The following BMP2K variants were observed in gnomAD, a reference collection of about 807,000 sequenced individuals.
The protein encoded by BMP2K is BMP-2-inducible protein kinase.
Under a neutral mutation model 116.0 loss-of-function variants are expected in BMP2K, and 74 were observed. That is an observed-to-expected ratio of 0.64 (90% CI 0.53 to 0.77). BMP2K has a LOEUF of 0.77. Ranked by LOEUF, BMP2K falls within the 30% of genes least tolerant of loss-of-function variation. BMP2K has a pLI of 0.00. For synonymous variants in BMP2K, 486 were observed against 502.5 expected (o/e 0.97, Z 0.44); for missense variants, 1,365 against 1,403.6 (o/e 0.97, Z 0.44).
intron 2 of BMP2K, among the ~76,000 whole-genome samples, chr4:78,830,343 C>G (rs943898833): frequency 1.3e-5 from 2 of 152,126 alleles, no homozygotes; most frequent in African/African-American, 2.4e-5. Flanking sequence ...TAATGTCATT[C>G]AGGCTTTGTT....
chr4:78,867,684 G>A (rs771783121), intron 10 of BMP2K, among the ~76,000 whole-genome samples: 93 of 152,194 alleles, frequency 6.1e-4, no homozygotes, highest in Non-Finnish European at 9.0e-4. Flanking sequence ...GTTAACCAGC[G>A]CTGTTTAATG....
rs769349891 is a variant in BMP2K, at chr4:78,870,835, TCAGCAGCCGCCA to T, written c.1292_1303del (p.Pro431_Gln434del). The T allele has an allele frequency of 6.8e-6, 11 of 1,614,052 alleles. No homozygotes were observed. The highest frequency in any genetic ancestry group is 5.0e-5 in the Admixed American group (3 of 60,006). Reference sequence around the variant, plus strand: ...AAATTTTATTGGGTCAGGGACCTCCTCAGCAGCCGCCACAGCAGCATAGAGTACTCCAGCAAC... The same window carrying T: ...AAATTTTATTGGGTCAGGGACCTCCTCAGCAGCATAGAGTACTCCAGCAAC... On this transcript the variant is annotated inframe_deletion, in exon 11 of 16. Transcript: ENST00000502613.
chr4:78,911,895 T>A lies in BMP2K; in HGVS notation c.3348T>A (p.Asp1116Glu). 1 of 1,613,960 alleles carries A rather than the reference T, an allele frequency of 6.2e-7. No individual in the cohort carries two copies. The highest frequency in any genetic ancestry group is 8.5e-7 in the Non-Finnish European group (1 of 1,179,880). ...TACATGGGTCATTCCATAGTGCAGA[T>A]GTATTGAAAATGGATGATTTTGGTG... is the stretch of plus-strand genomic sequence containing the variant. ...NSLHGSFHSA[D>E]VLKMDDFGAV... Residue 1116 changes from aspartate to glutamate, a missense_variant, in exon 16 of 16, where the codon GAT becomes GAA. Physicochemically the swap from Asp to Glu is conservative, Grantham distance 45. Transcript: ENST00000502613.
intron 1 of BMP2K, among the ~76,000 whole-genome samples, chr4:78,814,736 G>A (rs1729249342): frequency 6.6e-6 from 1 of 151,898 alleles, no homozygotes; most frequent in Non-Finnish European, 1.5e-5. Flanking sequence ...TTTATTAGCA[G>A]TGTGAGAACA....
intron 7 of BMP2K, among the ~76,000 whole-genome samples, chr4:78,857,481 T>C (rs1335320340): frequency 3.9e-5 from 6 of 152,142 alleles, no homozygotes; most frequent in Non-Finnish European, 8.8e-5. Context: ...TTTTTCTCTC[T>C]CAGTGCTTTT....
In BMP2K at chr4:78,845,097, A is replaced by G. The variant is rs777411490; in HGVS notation, c.668+48A>G. On this transcript the variant is annotated intron_variant, in intron 5 of 15. Transcript: ENST00000502613. The stretch of plus-strand genomic sequence containing the variant: ...CTTTTGTCATGGTAATTTTAAGTTA[A>G]CTTGAGTCTCTGGCCAGCACTGCTA... 5 of 1,485,152 alleles carry G rather than the reference A, an allele frequency of 3.4e-6. No individual in the cohort carries two copies. The African/African-American group carries it at 7.0e-5, about 21-fold the overall frequency. 92.0% of individuals were successfully genotyped at this position (1,485,152 alleles called of 1,614,324 possible). A position where few individuals can be genotyped will look rare whatever the true frequency, so the allele number is the denominator to read the frequency against.
intron 2 of BMP2K, among the ~76,000 whole-genome samples, chr4:78,826,369 T>C (rs1256722814): frequency 2.0e-5 from 3 of 152,032 alleles, no homozygotes; most frequent in African/African-American, 7.2e-5. Context: ...ACCTGGCTAA[T>C]TTTTTGTATT....
chr4:78,797,930 G>C (rs1728377661), intron 1 of BMP2K, among the ~76,000 whole-genome samples: 1 of 151,980 alleles, frequency 6.6e-6, no homozygotes, highest in African/African-American at 2.4e-5. Flanking sequence ...TCAATTGAGG[G>C]ATACTTCCTC....
At chr4:78,825,829 G>A (rs750375310) in intron 1 of BMP2K, among the ~76,000 whole-genome samples, 10 of 152,322 alleles carry the variant, frequency 6.6e-5, no homozygotes, top group Middle Eastern at 6.8e-3. Context: ...GTCTTCATTC[G>A]AGAAGCATAT....
chr4:78,816,461 C>G (rs1362911748), intron 1 of BMP2K, among the ~76,000 whole-genome samples: 2 of 152,092 alleles, frequency 1.3e-5, no homozygotes, highest in African/African-American at 4.8e-5. Context: ...CACTTTGATA[C>G]TTTTTCTCCC....
In BMP2K at chr4:78,853,531, ATAAC is replaced by A. The variant is rs1577928040; in HGVS notation, c.883+2480_883+2483del. 2.0e-5 allele frequency among the ~76,000 whole-genome samples: 3 copies of A among 152,312 alleles called. No homozygotes were observed. In the East Asian group the frequency reaches 5.8e-4, roughly 29 times the overall value. On this transcript the variant is annotated intron_variant, in intron 7 of 15. Coordinates refer to ENST00000502613, the MANE Select transcript of BMP2K (RefSeq NM_198892.2). Reference sequence around the variant, plus strand: ...AACCATTTAGAGGAGAATGAGAAACATAACTAACGGGATTACTGAATAGTTATGA... The same window carrying A: ...AACCATTTAGAGGAGAATGAGAAACATAACGGGATTACTGAATAGTTATGA...
intron 10 of BMP2K, 174 bp downstream of exon 10, chr4:78,865,894 T>C (rs1732027836): frequency 4.6e-6 from 3 of 657,472 alleles, no homozygotes; most frequent in Admixed American, 6.2e-5. Context: ...AATTCAATTG[T>C]TGTAGGCAAA....
chr4:78,861,799 A>G (rs1430661046), intron 9 of BMP2K, among the ~76,000 whole-genome samples: 3 of 151,948 alleles, frequency 2.0e-5, no homozygotes, highest in Admixed American at 6.6e-5. Context: ...TTGAGTTTAT[A>G]GATGTTTATT....
intron 13 of BMP2K, among the ~76,000 whole-genome samples, chr4:78,874,305 CATT>C (rs1209442130): frequency 1.3e-5 from 2 of 151,954 alleles, no homozygotes; most frequent in African/African-American, 4.8e-5. Context: ...AAATTAGTAA[CATT>C]ATTGTGTATA....
intron 10 of BMP2K, among the ~76,000 whole-genome samples, chr4:78,869,732 C>T (rs1443388527): frequency 6.6e-6 from 1 of 152,064 alleles, no homozygotes; most frequent in Non-Finnish European, 1.5e-5. Context: ...GAAAGAAATA[C>T]ACTTAAAGGC....
intron 14 of BMP2K, among the ~76,000 whole-genome samples, chr4:78,882,883 C>T (rs1248013887): frequency 1.3e-5 from 2 of 152,100 alleles, no homozygotes; most frequent in East Asian, 1.9e-4. Context: ...TATTAACCCT[C>T]ATCTTTTGTA....
chr4:78,881,480 A>G (rs183389862), intron 14 of BMP2K, among the ~76,000 whole-genome samples: 3 of 152,212 alleles, frequency 2.0e-5, no homozygotes, highest in Admixed American at 2.0e-4. Flanking sequence ...TTTAGGGTTC[A>G]AAAAAGGTGA....
Position 78,911,923 on chromosome 4 carries a change from G to T in BMP2K, c.3376G>T (p.Val1126Leu). The T allele has an allele frequency of 6.2e-7, 1 of 1,613,966 alleles. No individual in the cohort carries two copies. Residue 1126 changes from valine (V) to leucine (L), a missense_variant, in exon 16 of 16, where the codon GTG (valine) becomes TTG (leucine). Physicochemically the swap from Val to Leu is conservative, Grantham distance 32. Coordinates refer to ENST00000502613, the MANE Select transcript of BMP2K (RefSeq NM_198892.2). ...DVLKMDDFGA[V>L]PFTELVVQSI... ...ATTGAAAATGGATGATTTTGGTGCC[G>T]TGCCCTTTACAGAACTTGTGGTGCA...
intron 10 of BMP2K, among the ~76,000 whole-genome samples, chr4:78,867,530 C>T (rs748248099): frequency 2.0e-5 from 3 of 151,770 alleles, no homozygotes; most frequent in Admixed American, 6.5e-5. Flanking sequence ...CTTTTTCCCC[C>T]AATAAGTGCA....
Sources: allele counts gnomAD v4.1 joint callset (sites outside exome capture counted in the v4.1 genomes callset), GRCh38; gene constraint gnomAD v4.1.1; transcripts MANE v1.5; gene names NCBI Gene and HGNC (gene_info 2026-07-23, HGNC 2026-07-21).